BAIAP2: variants seen among roughly 807,000 people sequenced by gnomAD.
BAIAP2 encodes BAR/IMD domain-containing adapter protein 2.
Under a neutral mutation model 63.0 loss-of-function variants are expected in BAIAP2, and 18 were observed. That is an observed-to-expected ratio of 0.29 (90% CI 0.20 to 0.42). The LOEUF (loss-of-function observed/expected upper bound fraction) is 0.42. Among genes scored for constraint, BAIAP2 ranks in the 10% least tolerant of loss-of-function variants. The pLI is 1.00. For synonymous variants in BAIAP2, 386 were observed against 307.6 expected, an observed-to-expected ratio of 1.25 and a Z score of -2.67; for missense variants, 610 against 734.3, an observed-to-expected ratio of 0.83 and a Z score of 1.96.
chr17:81,049,355 G>T (rs1187841530), intron 1 of BAIAP2, among the ~76,000 whole-genome samples: 4 of 152,204 alleles, frequency 2.6e-5, no homozygotes, highest in Non-Finnish European at 5.9e-5. Context: ...CCTCAGTGTG[G>T]ACAGCTGGGC....
intron 3 of BAIAP2, among the ~76,000 whole-genome samples, chr17:81,082,042 G>A (rs1312395721): frequency 2.0e-5 from 3 of 152,022 alleles, no homozygotes; most frequent in African/African-American, 4.8e-5. Context: ...TGGGGTCTGT[G>A]TCTGCCTGTC....
At chr17:81,082,237 A>G (rs905026059) in intron 3 of BAIAP2, among the ~76,000 whole-genome samples, 11 of 152,194 alleles carry the variant, frequency 7.2e-5, no homozygotes, top group African/African-American at 2.2e-4. Context: ...GCTCACCCGC[A>G]TAAGCACACC....
chr17:81,094,945 G>A (rs1243480531), intron 6 of BAIAP2, among the ~76,000 whole-genome samples: 1 of 152,256 alleles, frequency 6.6e-6, no homozygotes. Flanking sequence ...TGGCGGATGA[G>A]GTAAACCAAA....
chr17:81,092,186 C>T (rs558987317), intron 6 of BAIAP2, among the ~76,000 whole-genome samples: 5 of 152,390 alleles, frequency 3.3e-5, no homozygotes, highest in Admixed American at 2.6e-4. Flanking sequence ...CCCACCTGAG[C>T]TGCATGTATG....
At chr17:81,040,839 T>G (rs1354877855) in intron 1 of BAIAP2, among the ~76,000 whole-genome samples, 2 of 152,184 alleles carry the variant, frequency 1.3e-5, no homozygotes, top group Non-Finnish European at 1.5e-5. Flanking sequence ...TGAGGGCTAT[T>G]TCTCCTACTG....
At chr17:81,104,406 C>A (rs1434305972) in intron 9 of BAIAP2, 108 bp from the exon 10 acceptor site, 1 of 1,260,180 alleles carries the variant, frequency 7.9e-7, no homozygotes, top group African/African-American at 1.5e-5. Flanking sequence ...GCCCACTTAC[C>A]CACCTGGGGC....
chr17:81,070,249 G>A (rs1386466117), intron 3 of BAIAP2, among the ~76,000 whole-genome samples: 1 of 152,164 alleles, frequency 6.6e-6, no homozygotes, highest in Non-Finnish European at 1.5e-5. Context: ...GCGAGCCACC[G>A]TGCCTGGCCA....
chr17:81,039,596 G>T (rs979157855), intron 1 of BAIAP2, among the ~76,000 whole-genome samples: 1 of 152,176 alleles, frequency 6.6e-6, no homozygotes, highest in Non-Finnish European at 1.5e-5. Flanking sequence ...GGTACTGCCC[G>T]AGTGGACCTG....
intron 6 of BAIAP2, among the ~76,000 whole-genome samples, chr17:81,094,505 G>A (rs1193127280): frequency 1.3e-5 from 2 of 152,094 alleles, no homozygotes; most frequent in African/African-American, 4.8e-5. Flanking sequence ...GCCTTCCTTG[G>A]GGAGCGGAAT....
In BAIAP2 at chr17:81,105,072, T is replaced by C. The variant is rs796696671; in HGVS notation, c.1268+357T>C. ...CCCCATGGCAGGGGTCTCCCCCCAA[T>C]GGCTCGGGTCTCCCCCCAGCGGCAG... is the stretch of plus-strand genomic sequence containing the variant. On this transcript the variant is annotated intron_variant, in intron 10 of 13. Transcript: ENST00000428708. 2.8e-4 allele frequency: 56 copies of C among 198,582 alleles called. No individual in the cohort carries two copies. In the South Asian group the frequency reaches 2.9e-3, roughly 10 times the overall value. 12.3% of individuals were successfully genotyped at this position (198,582 alleles called of 1,614,324 possible). A position where few individuals can be genotyped will look rare whatever the true frequency, so the allele number is the denominator to read the frequency against.
Position 81,035,311 on chromosome 17 carries a change from G to A in BAIAP2, c.54+3G>A. 3 of 1,457,968 alleles carry A rather than the reference G, an allele frequency of 2.1e-6. No individual in the cohort carries two copies. The South Asian group carries it at 4.0e-5, about 20-fold the overall frequency. 90.3% of individuals were successfully genotyped at this position (1,457,968 alleles called of 1,614,324 possible). On this transcript the variant is annotated splice_donor_region_variant and intron_variant, in intron 1 of 13. Coordinates refer to ENST00000428708, the MANE Select transcript of BAIAP2 (RefSeq NM_001144888.2). ...GGCTCACGGAAAATGTCTATAAGGT[G>A]AGCGCCCCCCGGCGCCGAGCTGAGC...
chr17:81,096,008 C>T (rs2057557027), intron 6 of BAIAP2, among the ~76,000 whole-genome samples: 2 of 152,116 alleles, frequency 1.3e-5, no homozygotes, highest in South Asian at 4.1e-4. Flanking sequence ...CGGAGCAGCT[C>T]CAGGGGCCTT....
chr17:81,039,580 G>A (rs1313625739), intron 1 of BAIAP2, among the ~76,000 whole-genome samples: 1 of 152,214 alleles, frequency 6.6e-6, no homozygotes, highest in East Asian at 1.9e-4. Flanking sequence ...AGATTGGTTG[G>A]CTCGTGGTAC....
chr17:81,077,219 C>T (rs923837887), intron 3 of BAIAP2, among the ~76,000 whole-genome samples: 10 of 152,260 alleles, frequency 6.6e-5, no homozygotes, highest in Non-Finnish European at 1.3e-4. Context: ...AACTGGTGAG[C>T]GCATGATGCT....
intron 13 of BAIAP2, among the ~76,000 whole-genome samples, chr17:81,111,372 G>A (rs1253251323): frequency 2.0e-5 from 3 of 152,270 alleles, no homozygotes; most frequent in Non-Finnish European, 4.4e-5. Context: ...GTGCCTTTGG[G>A]GCTGACAGCC....
At chr17:81,057,172 C>T (rs951001764) in intron 2 of BAIAP2, among the ~76,000 whole-genome samples, 2 of 152,236 alleles carry the variant, frequency 1.3e-5, no homozygotes, top group East Asian at 1.9e-4. Flanking sequence ...GAGGTCAGGG[C>T]GGGGCTCCCT....
chr17:81,038,722 C>T (rs921829579), intron 1 of BAIAP2, among the ~76,000 whole-genome samples: 4 of 152,222 alleles, frequency 2.6e-5, no homozygotes, highest in South Asian at 2.1e-4. Flanking sequence ...AGCACACTGC[C>T]GGCTTTTCTG....
chr17:81,070,628 G>A (rs1305967467), intron 3 of BAIAP2, among the ~76,000 whole-genome samples: 32 of 152,186 alleles, frequency 2.1e-4, no homozygotes, highest in Admixed American at 2.1e-3. Context: ...GCTGGGCTTG[G>A]CCAGGTCGCT....
At chr17:81,043,691 G>A (rs2047398933) in intron 1 of BAIAP2, among the ~76,000 whole-genome samples, 1 of 152,206 alleles carries the variant, frequency 6.6e-6, no homozygotes, top group African/African-American at 2.4e-5. Flanking sequence ...CGTTACTGTT[G>A]CTTCGTGTGC....
Sources: allele counts gnomAD v4.1 joint callset (sites outside exome capture counted in the v4.1 genomes callset), GRCh38; gene constraint gnomAD v4.1.1; transcripts MANE v1.5; gene names NCBI Gene and HGNC (gene_info 2026-07-23, HGNC 2026-07-21).